Variants in SLC2A7 observed in about 807,000 individuals in gnomAD.
SLC2A7 encodes the protein solute carrier family 2, facilitated glucose transporter member 7.
A neutral mutation model predicts 50.5 loss-of-function variants in SLC2A7; 50 were observed. That is an observed-to-expected ratio of 0.99 (90% confidence interval 0.79 to 1.25). SLC2A7 has a LOEUF of 1.25. SLC2A7 is among the 50% of genes most tolerant of loss of function. SLC2A7 has a pLI of 0.00. For synonymous variants in SLC2A7, 308 were observed against 300.4 expected (o/e 1.03, Z -0.26); for missense variants, 683 against 679.1 (o/e 1.01, Z -0.06).
chr1:9,011,746 CTTTTTTTTTTT>C (rs34758810), intron 8 of SLC2A7, among the ~76,000 whole-genome samples: 1 of 93,230 alleles, frequency 1.1e-5, no homozygotes, highest in African/African-American at 4.6e-5. Flanking sequence ...TCTTCTTCTT[CTTTTTTTTTTT>C]TTTTTTTTTT....
intron 1 of SLC2A7, among the ~76,000 whole-genome samples, chr1:9,025,809 C>A (rs1557654770): frequency 6.6e-6 from 1 of 152,192 alleles, no homozygotes; most frequent in Non-Finnish European, 1.5e-5. Context: ...GGGTCTCTGA[C>A]CATGTCCTAG....
chr1:9,021,004 G>C (rs1281340494), intron 3 of SLC2A7, among the ~76,000 whole-genome samples: 1 of 152,106 alleles, frequency 6.6e-6, no homozygotes, highest in East Asian at 1.9e-4. Flanking sequence ...CAGCCACGTG[G>C]AACTGTGAGT....
At chr1:9,024,463 A>G (rs1351548962) in intron 2 of SLC2A7, among the ~76,000 whole-genome samples, 1 of 152,230 alleles carries the variant, frequency 6.6e-6, no homozygotes, top group African/African-American at 2.4e-5. Context: ...GCCTGTAGTC[A>G]GTTCTCAGTC....
At chr1:9,024,141 G>A (rs1640959876) in intron 2 of SLC2A7, among the ~76,000 whole-genome samples, 2 of 152,114 alleles carry the variant, frequency 1.3e-5, no homozygotes, top group African/African-American at 2.4e-5. Context: ...TGGGATTGCA[G>A]GCGTGAGCCA....
Position 9,018,281 on chromosome 1 carries a change from G to A in SLC2A7, c.531C>T (p.Ile177=), listed in dbSNP as rs267598762. The change falls in exon 5 of 12, where the codon ATC becomes ATT. Residue 177 remains isoleucine (I), a synonymous_variant. Coordinates refer to ENST00000400906, the MANE Select transcript of SLC2A7 (RefSeq NM_207420.3). ...AGATCTGTGCTAGGAAGACTCCAAC[G>A]ATGACGAAAACCTCGGTCATTGTTC... ...MVGTMTEVFV[I]VGVFLAQIFS... The A allele has an allele frequency of 1.1e-5, 17 of 1,614,046 alleles. No individual in the cohort carries two copies. The highest frequency in any genetic ancestry group is 2.7e-5 in the African/African-American group (2 of 74,928).
rs751486861 is a variant in SLC2A7, at chr1:9,025,039, G to C, written c.87C>G (p.Ser29Arg). 1.2e-6 allele frequency: 2 copies of C among 1,613,858 alleles called. No individual in the cohort carries two copies. The highest frequency in any genetic ancestry group is 1.7e-6 in the Non-Finnish European group (2 of 1,180,002). The change falls in exon 2 of 12, where the codon AGC (serine) becomes AGG (arginine). Residue 29 changes from serine to arginine, a missense_variant. By Grantham distance (110) the Ser-to-Arg change is moderately radical. Coordinates refer to ENST00000400906, the MANE Select transcript of SLC2A7 (RefSeq NM_207420.3). ...ACTGGAAGGCTGAGCCAAAGGCCGC[G>C]CTCAGTGTCGCCAGCAACAGCGTCG... ...LQPTLLLATL[S>R]AAFGSAFQYG...
chr1:9,023,571 C>A (rs1052734631), intron 2 of SLC2A7, among the ~76,000 whole-genome samples: 1 of 151,432 alleles, frequency 6.6e-6, no homozygotes, highest in Admixed American at 6.6e-5. Flanking sequence ...TGCGGCACTG[C>A]ACTCCAGCCT....
intron 11 of SLC2A7, among the ~76,000 whole-genome samples, chr1:9,004,345 A>AAAAAAAAAAAC (rs1333214503): frequency 2.6e-5 from 4 of 152,046 alleles, no homozygotes; most frequent in African/African-American, 9.6e-5. Context: ...AAAAAAAAAA[A>AAAAAAAAAAAC]AAGACTGCTT....
chr1:9,007,461 C>T (rs1640672436), intron 9 of SLC2A7, 76 bp from the exon 10 acceptor site: 2 of 1,396,380 alleles, frequency 1.4e-6, no homozygotes, highest in Non-Finnish European at 2.0e-6. Context: ...CGGGTCCCAC[C>T]TTCCTGCCCC....
In SLC2A7 at chr1:9,008,541, A is replaced by G. The variant is rs555673838; in HGVS notation, c.1117-1156T>C. Among the ~76,000 whole-genome samples, 74 of 151,780 alleles carry G rather than the reference A, an allele frequency of 4.9e-4. No individual in the cohort carries two copies. Among genetic ancestry groups the G allele is most frequent in the Non-Finnish European group, 7.6e-4 (52 of 68,008 alleles). On this transcript the variant is annotated intron_variant, in intron 9 of 11. Transcript: ENST00000400906. This position sits in a 1 kb window ranked among gnomAD's most constrained non-coding sequence, Gnocchi z 5.9. ...GCGGTGGTCTCTGCAGGTGGCGCTC[A>G]GTCGTGCTCACCTCTTTTCACTTCC... is the stretch of plus-strand genomic sequence containing the variant.
At chr1:9,025,821 G>A (rs892618236) in intron 1 of SLC2A7, among the ~76,000 whole-genome samples, 11 of 152,170 alleles carry the variant, frequency 7.2e-5, no homozygotes, top group South Asian at 2.1e-4. Flanking sequence ...ATGTCCTAGA[G>A]CCAAGGCCCT....
In SLC2A7 at chr1:9,015,034, C is replaced by T. The variant is rs750968604; in HGVS notation, c.715+83G>A. ...CCCAGCTCTCACCCCTGACCCATGG[C>T]GACCCTGACTGTGGCCCTGACCGTG... is the stretch of plus-strand genomic sequence containing the variant. On this transcript the variant is annotated intron_variant, in intron 6 of 11. Transcript: ENST00000400906. The T allele has an allele frequency of 1.0e-3, 1,633 of 1,575,254 alleles. 3 individuals are homozygous for T. Among genetic ancestry groups the T allele is most frequent in the South Asian group, 1.3e-3 (110 of 86,268 alleles).
At chr1:9,003,914 C>T (rs544217361) in intron 11 of SLC2A7, among the ~76,000 whole-genome samples, 16 of 151,572 alleles carry the variant, frequency 1.1e-4, no homozygotes, top group African/African-American at 3.6e-4. Context: ...CAATGCTGGT[C>T]GAGGCCTTTG....
intron 8 of SLC2A7, among the ~76,000 whole-genome samples, chr1:9,011,593 T>A (rs1640750565): frequency 6.6e-6 from 1 of 152,040 alleles, no homozygotes; most frequent in Admixed American, 6.6e-5. Flanking sequence ...TGGGCTCACA[T>A]CATGCGGGGC....
Position 9,019,301 on chromosome 1 carries a change from G to A in SLC2A7, c.344C>T (p.Ala115Val). Residue 115 changes from alanine (A) to valine (V), a missense_variant, in exon 4 of 12, where the codon GCC becomes GTC. By Grantham distance (64) the Ala-to-Val change is moderately conservative (BLOSUM62 0). Transcript: ENST00000400906. ...KGTLLINNIFAIIPAILMGVS... is the reference protein window; with the variant it reads ...KGTLLINNIFVIIPAILMGVS... ...TCCCATCAGGATGGCGGGGATGATG[G>A]CAAAGATGTTGTTGATCAGCAGGGT... 2 of 1,614,114 alleles carry A rather than the reference G, an allele frequency of 1.2e-6. No individual in the cohort carries two copies. The highest frequency in any genetic ancestry group is 2.2e-5 in the South Asian group (2 of 91,080).
intron 1 of SLC2A7, 143 bp downstream of exon 1, chr1:9,026,152 C>T (rs1041388914): frequency 2.7e-5 from 24 of 902,734 alleles, no homozygotes; most frequent in Non-Finnish European, 4.2e-5. Flanking sequence ...CCACATGGCT[C>T]TCCCAGGCCT....
At chr1:9,007,191 G>A (rs1197800792) in intron 10 of SLC2A7, 119 bp downstream of exon 10, 27 of 1,154,722 alleles carry the variant, frequency 2.3e-5, no homozygotes, top group South Asian at 2.3e-4. Flanking sequence ...TGGGATCTGC[G>A]TGAGCACGGG....
Position 9,003,350 on chromosome 1 carries a change from TG to T in SLC2A7, c.1488del (p.Ile497LeufsTer21), listed in dbSNP as rs752192050. On this transcript the variant is annotated frameshift_variant, in exon 12 of 12. Coordinates refer to ENST00000400906, the MANE Select transcript of SLC2A7 (RefSeq NM_207420.3). LOFTEE classifies it low-confidence loss of function (END_TRUNC). ...GAGGCTGTGGGAGGCCCAGCATCAA[TG>T]GTTTCTTCTTTCTCCTCTGGAAGCT... ...RVKLPEEKEE[T>X]IDAGPPTASP... is the part of the protein sequence containing the mutation. The T allele has an allele frequency of 6.2e-7, 1 of 1,614,214 alleles. No homozygotes were observed. The highest frequency in any genetic ancestry group is 8.5e-7 in the Non-Finnish European group (1 of 1,180,038).
At chr1:9,010,038 G>T in intron 9 of SLC2A7, 105 bp downstream of exon 9, 1 of 991,506 alleles carries the variant, frequency 1.0e-6, no homozygotes, top group South Asian at 1.5e-5. Flanking sequence ...CATGCCATCA[G>T]TGGGACTCAG....
Sources: allele counts gnomAD v4.1 joint callset (sites outside exome capture counted in the v4.1 genomes callset), GRCh38; gene constraint gnomAD v4.1.1; non-coding constraint Gnocchi (gnomAD v3.1); transcripts MANE v1.5; gene names NCBI Gene and HGNC (gene_info 2026-07-23, HGNC 2026-07-21).